The following DOCK1 variants were observed in gnomAD, a reference collection of about 807,000 sequenced individuals.
The protein encoded by DOCK1 is dedicator of cytokinesis protein 1.
In DOCK1, 138 loss-of-function variants were observed where a neutral mutation model predicts 262.7. The ratio of observed to expected loss-of-function variants is 0.53; its 90% CI spans 0.46 to 0.61. DOCK1 has a LOEUF of 0.61. Ranked by LOEUF, DOCK1 falls within the 20% of genes least tolerant of loss-of-function variation. The probability of loss-of-function intolerance (pLI) is 0.00; values close to 1 mark genes in which losing one functional copy is unlikely to be tolerated. For synonymous variants in DOCK1, 866 were observed against 867.4 expected (o/e 1.00, Z 0.03); for missense variants, 1,908 against 2,370.7 (o/e 0.80, Z 4.05).
intron 12 of DOCK1, chr10:127,016,482 C>A (rs1180448559): frequency 6.6e-6 from 1 of 152,318 alleles, no homozygotes; most frequent in African/African-American, 2.4e-5. Flanking sequence ...GAGGTGCCGG[C>A]ACCGCTGTCG....
Position 126,996,729 on chromosome 10 carries a change from T to A in DOCK1, c.474-19T>A. ...CCTTGGTCTATGTCTGTGAACTTAC[T>A]AAATTCTTGTTGTTCTAGAATTCTA... On this transcript the variant is annotated intron_variant, in intron 6 of 51. Transcript: ENST00000623213. 1 of 1,600,242 alleles carries A rather than the reference T, an allele frequency of 6.2e-7. No homozygotes were observed. Among genetic ancestry groups the A allele is most frequent in the Non-Finnish European group, 8.5e-7 (1 of 1,175,316 alleles).
intron 29 of DOCK1, among the ~76,000 whole-genome samples, chr10:127,282,145 G>T (rs1170528930): frequency 3.3e-5 from 5 of 152,168 alleles, no homozygotes; most frequent in Non-Finnish European, 7.4e-5. Flanking sequence ...TGGATTAGAG[G>T]ACAGAAGAAC....
At chr10:127,107,903 C>T (rs1270857066) in intron 24 of DOCK1, among the ~76,000 whole-genome samples, 1 of 152,210 alleles carries the variant, frequency 6.6e-6, no homozygotes, top group Non-Finnish European at 1.5e-5. Context: ...ATCGTCGATA[C>T]TCTCAGTTTG....
chr10:126,992,015 A>T (rs1050218520), intron 6 of DOCK1, among the ~76,000 whole-genome samples: 2 of 152,342 alleles, frequency 1.3e-5, no homozygotes, highest in African/African-American at 4.8e-5. Flanking sequence ...GTAAAATCAG[A>T]ATTATCACAT....
At chr10:127,366,996 A>G (rs1164709554) in intron 33 of DOCK1, among the ~76,000 whole-genome samples, 1 of 152,206 alleles carries the variant, frequency 6.6e-6, no homozygotes, top group Non-Finnish European at 1.5e-5. Flanking sequence ...TAGAGCTGTC[A>G]ATATGCTACT....
intron 2 of DOCK1, among the ~76,000 whole-genome samples, chr10:126,971,039 T>C (rs568785924): frequency 6.6e-6 from 1 of 151,610 alleles, no homozygotes; most frequent in Admixed American, 6.6e-5. Flanking sequence ...TTTTCAAGCA[T>C]GTGTAAATCT....
intron 44 of DOCK1, 138 bp downstream of exon 44, chr10:127,415,376 C>G: frequency 1.4e-6 from 1 of 721,408 alleles, no homozygotes; most frequent in Non-Finnish European, 2.3e-6. Context: ...CATAACCACC[C>G]CACCTGTTCT....
intron 18 of DOCK1, among the ~76,000 whole-genome samples, chr10:127,037,042 C>T (rs1171347787): frequency 6.7e-6 from 1 of 150,190 alleles, no homozygotes; most frequent in Non-Finnish European, 1.5e-5. Context: ...TTTCTGGACA[C>T]TGTCTTCTTC....
In DOCK1 at chr10:127,100,022, A is replaced by T. The variant is rs1037498107; in HGVS notation, c.2446-6209A>T. ...GAAGAGGCTCGGCTTGGTGGGAGAG[A>T]GTCCTGCAGGTACCAAGGGTGAGTC... is the stretch of plus-strand genomic sequence containing the variant. On this transcript the variant is annotated intron_variant, in intron 23 of 51. Coordinates refer to ENST00000623213, the MANE Select transcript of DOCK1 (RefSeq NM_001290223.2). The surrounding 1 kb of genome is among the most constrained non-coding windows in gnomAD (Gnocchi z 5.5). 3.3e-5 allele frequency among the ~76,000 whole-genome samples: 5 copies of T among 152,166 alleles called. No homozygotes were observed. The highest frequency in any genetic ancestry group is 6.8e-3 in the Middle Eastern group (2 of 294).
At chr10:127,318,568 T>G (rs1470244568) in intron 29 of DOCK1, among the ~76,000 whole-genome samples, 1 of 152,240 alleles carries the variant, frequency 6.6e-6, no homozygotes, top group Non-Finnish European at 1.5e-5. Flanking sequence ...AAGGCCACTC[T>G]GATGACTGCT....
intron 1 of DOCK1, among the ~76,000 whole-genome samples, chr10:126,951,633 A>G (rs1428854099): frequency 7.1e-6 from 1 of 141,142 alleles, no homozygotes; most frequent in African/African-American, 2.7e-5. Flanking sequence ...TGTTGGTGGT[A>G]GTATTGTTGT....
rs149061081 is a variant in DOCK1, at chr10:127,398,434, G to T, written c.3928-4621G>T. Among the ~76,000 whole-genome samples the T allele has an allele frequency of 1.2e-3, 186 of 152,274 alleles. 1 individual carries two copies. The highest frequency in any genetic ancestry group is 4.0e-3 in the Admixed American group (61 of 15,304). ...TGGAAGGGATGCTGTCACTCAGCAC[G>T]CATTGAGCAAAGAACGGACTGAACG... is the stretch of plus-strand genomic sequence containing the variant. On this transcript the variant is annotated intron_variant, in intron 38 of 51. Transcript: ENST00000623213.
intron 42 of DOCK1, among the ~76,000 whole-genome samples, 183 bp downstream of exon 42, chr10:127,409,574 G>A (rs865958225): frequency 2.0e-5 from 3 of 152,160 alleles, no homozygotes; most frequent in African/African-American, 7.2e-5. Flanking sequence ...AAAAGTGACA[G>A]GAGATGTTAA....
intron 27 of DOCK1, among the ~76,000 whole-genome samples, chr10:127,159,211 G>A (rs1249151806): frequency 1.3e-5 from 2 of 152,268 alleles, no homozygotes; most frequent in African/African-American, 4.8e-5. Flanking sequence ...TTACATTTCT[G>A]TTTTGTAGTG....
chr10:127,023,431 C>A, intron 14 of DOCK1, 107 bp downstream of exon 14: 1 of 1,448,394 alleles, frequency 6.9e-7, no homozygotes, highest in Non-Finnish European at 9.3e-7. Context: ...GCTTTGGAGT[C>A]CCGTTTCTTG....
intron 1 of DOCK1, among the ~76,000 whole-genome samples, chr10:126,953,240 GGTA>G (rs1176892985): frequency 8.6e-5 from 13 of 151,284 alleles, no homozygotes; most frequent in Admixed American, 6.6e-4. Context: ...TAGTAGTGTT[GGTA>G]GTGGTGGTAT....
At chr10:127,011,140 T>C (rs2041408860) in intron 11 of DOCK1, among the ~76,000 whole-genome samples, 1 of 152,218 alleles carries the variant, frequency 6.6e-6, no homozygotes, top group African/African-American at 2.4e-5. Context: ...ATGTAATTTG[T>C]GACTCCATGC....
At chr10:126,935,948 A>G (rs2034531934) in intron 1 of DOCK1, among the ~76,000 whole-genome samples, 1 of 152,242 alleles carries the variant, frequency 6.6e-6, no homozygotes, top group Non-Finnish European at 1.5e-5. Context: ...CTGTTGCAAA[A>G]TGTTTGAAAG....
chr10:127,234,257 T>A (rs1290758776), intron 27 of DOCK1, among the ~76,000 whole-genome samples: 1 of 152,118 alleles, frequency 6.6e-6, no homozygotes, highest in Non-Finnish European at 1.5e-5. Flanking sequence ...TTGACAGATG[T>A]TGGCTTGATG....
Sources: gnomAD v4.1 joint callset for allele counts (sites outside exome capture counted in the v4.1 genomes callset) on GRCh38, gnomAD v4.1.1 for gene constraint, Gnocchi (gnomAD v3.1) non-coding constraint, MANE v1.5 for transcripts, NCBI Gene and HGNC (gene_info 2026-07-23, HGNC 2026-07-21) for gene names.